Variants in PVT1 observed in about 807,000 individuals in gnomAD.
PVT1 encodes Pvt1 oncogene.
At chr8:127,959,586 GAA>G (rs34255005) in intron 3 of PVT1, among the ~76,000 whole-genome samples, 41 of 76,490 alleles carry the variant, frequency 5.4e-4, no homozygotes, top group Non-Finnish European at 6.6e-4. Context: ...TCTGTCTCAG[GAA>G]AAAAAAAAAA....
intron 3 of PVT1, among the ~76,000 whole-genome samples, chr8:127,967,143 A>G (rs73355605): frequency 0.018 from 2,773 of 152,308 alleles, 94 homozygotes; most frequent in African/African-American, 0.063. Context: ...GGCTGATTGC[A>G]GGTTGGATGC....
intron 2 of PVT1, among the ~76,000 whole-genome samples, chr8:127,853,282 G>C (rs1815125017): frequency 6.6e-6 from 1 of 152,180 alleles, no homozygotes; most frequent in African/African-American, 2.4e-5. Context: ...AGCAGCATAG[G>C]ATTTTGAGAG....
At chr8:128,008,396 G>A (rs912513072) in intron 4 of PVT1, among the ~76,000 whole-genome samples, 2 of 152,316 alleles carry the variant, frequency 1.3e-5, no homozygotes, top group East Asian at 1.9e-4. Flanking sequence ...TCTCTACCAT[G>A]TACCTTTCTT....
intron 4 of PVT1, among the ~76,000 whole-genome samples, chr8:128,061,209 A>G (rs910088867): frequency 2.6e-5 from 4 of 152,120 alleles, no homozygotes; most frequent in African/African-American, 9.7e-5. Flanking sequence ...ATGCCTGGCC[A>G]TGGATTCGCC....
chr8:127,983,517 T>A (rs1816908344), intron 3 of PVT1, among the ~76,000 whole-genome samples: 1 of 152,018 alleles, frequency 6.6e-6, no homozygotes, highest in Admixed American at 6.6e-5. Context: ...CAGAAAAAAA[T>A]TATGAACATA....
chr8:127,877,592 A>C (rs1815419905), intron 2 of PVT1, among the ~76,000 whole-genome samples: 1 of 152,160 alleles, frequency 6.6e-6, no homozygotes, highest in South Asian at 2.1e-4. Context: ...ACTACTGTTT[A>C]GGATAACATT....
intron 3 of PVT1, among the ~76,000 whole-genome samples, chr8:127,984,924 T>TCC (rs1816941404): frequency 1.6e-5 from 2 of 129,020 alleles, no homozygotes; most frequent in Non-Finnish European, 3.3e-5. Context: ...TTTCTTTCTC[T>TCC]TTCTCTTTCT....
At chr8:128,026,268 G>C (rs959436017) in intron 4 of PVT1, among the ~76,000 whole-genome samples, 1 of 151,790 alleles carries the variant, frequency 6.6e-6, no homozygotes, top group Admixed American at 6.6e-5. Context: ...ATTCACTCTT[G>C]TTTTGTAGTT....
intron 4 of PVT1, among the ~76,000 whole-genome samples, chr8:128,035,060 G>A (rs1454989966): frequency 6.6e-6 from 1 of 152,168 alleles, no homozygotes; most frequent in Non-Finnish European, 1.5e-5. Flanking sequence ...CAGGGGTAGG[G>A]GGCAATAAAA....
intron 2 of PVT1, among the ~76,000 whole-genome samples, chr8:127,825,302 T>C (rs1474173402): frequency 6.6e-6 from 1 of 152,158 alleles, no homozygotes; most frequent in East Asian, 1.9e-4. Flanking sequence ...TCAATGCATG[T>C]TGTTCAGTTG....
intron 2 of PVT1, among the ~76,000 whole-genome samples, chr8:127,844,128 G>A (rs1815004347): frequency 1.3e-5 from 2 of 151,888 alleles, no homozygotes; most frequent in African/African-American, 2.4e-5. Context: ...GACTACAGGC[G>A]CCCACCACCA....
intron 4 of PVT1, among the ~76,000 whole-genome samples, chr8:128,044,723 C>T (rs1396542306): frequency 6.6e-6 from 1 of 152,192 alleles, no homozygotes; most frequent in Non-Finnish European, 1.5e-5. Context: ...TATAAAATAC[C>T]AAGTATGGTG....
At chr8:127,848,494 A>G (rs1161514185) in intron 2 of PVT1, among the ~76,000 whole-genome samples, 3 of 152,082 alleles carry the variant, frequency 2.0e-5, no homozygotes, top group Non-Finnish European at 4.4e-5. Flanking sequence ...GACCAGCCTG[A>G]CCAACATGGA....
At chr8:127,855,774 G>A (rs1369467473) in intron 2 of PVT1, among the ~76,000 whole-genome samples, 1 of 152,212 alleles carries the variant, frequency 6.6e-6, no homozygotes, top group Non-Finnish European at 1.5e-5. Context: ...TCACTAACCT[G>A]TGAAAATGGA....
At chr8:127,978,996 C>T (rs777788688) in intron 3 of PVT1, among the ~76,000 whole-genome samples, 27 of 152,338 alleles carry the variant, frequency 1.8e-4, no homozygotes, top group Middle Eastern at 3.4e-3. Context: ...TCCGCCTTGG[C>T]GGTTGCCATT....
intron 3 of PVT1, among the ~76,000 whole-genome samples, chr8:127,929,813 T>C (rs1001885645): frequency 2.0e-5 from 3 of 151,538 alleles, no homozygotes; most frequent in Non-Finnish European, 4.4e-5. Context: ...AGGGAAAGAC[T>C]GAGAAATGGT....
rs117027937 is a variant in PVT1, at chr8:128,078,870, C to T, written n.1114+8509C>T. On this transcript the variant is annotated intron_variant and non_coding_transcript_variant, in intron 5 of 10. Transcript: ENST00000651587. ...GCGCAAACATGGCTCACTGCAGCCT[C>T]GACGTCCTGGGCTCAAGCAATTCTC... Among the ~76,000 whole-genome samples, 203 of 152,240 alleles carry T rather than the reference C, an allele frequency of 1.3e-3. 1 individual carries two copies. In the East Asian group the frequency reaches 0.031, roughly 23 times the overall value.
intron 2 of PVT1, among the ~76,000 whole-genome samples, chr8:127,826,113 G>C (rs1234032607): frequency 6.9e-6 from 1 of 144,770 alleles, no homozygotes; most frequent in Non-Finnish European, 1.5e-5. Context: ...CCCCTCCTCT[G>C]CCTCCCAAAG....
At chr8:128,003,449 G>A (rs1817209729) in intron 4 of PVT1, among the ~76,000 whole-genome samples, 2 of 151,734 alleles carry the variant, frequency 1.3e-5, no homozygotes, top group Non-Finnish European at 1.5e-5. Flanking sequence ...AGGCTGAAAT[G>A]ATCCTCTCTC....
Sources: allele counts gnomAD v4.1 joint callset (sites outside exome capture counted in the v4.1 genomes callset), GRCh38; gene constraint gnomAD v4.1.1; transcripts MANE v1.5; gene names NCBI Gene and HGNC (gene_info 2026-07-23, HGNC 2026-07-21).